The following CFAP119 variants were observed in gnomAD, a reference collection of about 807,000 sequenced individuals.
CFAP119 encodes the protein cilia- and flagella-associated protein 119.
the CFAP119 span, chr16:30,759,357 G>A: frequency 3.1e-6 from 5 of 1,614,166 alleles, no homozygotes; most frequent in South Asian, 2.2e-5. Context: ...GTGTGAAGAC[G>A]TATTTATAGA....
chr16:30,761,201 A>G, the CFAP119 span: 5 of 1,613,984 alleles, frequency 3.1e-6, no homozygotes, highest in Non-Finnish European at 4.2e-6. Flanking sequence ...CACTCACCAC[A>G]TGCAGATCCG....
chr16:30,761,482 T>G, the CFAP119 span: 1 of 1,529,172 alleles, frequency 6.5e-7, no homozygotes, highest in Non-Finnish European at 8.8e-7. Context: ...TAATGACAGG[T>G]GGCGCCTGCG....
chr16:30,760,871 G>A, the CFAP119 span: 1 of 623,982 alleles, frequency 1.6e-6, no homozygotes, highest in Non-Finnish European at 2.8e-6. Flanking sequence ...CTAGGGTTAG[G>A]AATCTTGAAT....
At chr16:30,761,457 G>A in the CFAP119 span, 6 of 1,511,980 alleles carry the variant, frequency 4.0e-6, no homozygotes, top group African/African-American at 8.3e-5. Context: ...GAGACGTCCC[G>A]AACGTTAGTA....
the CFAP119 span, chr16:30,759,980 TC>T: frequency 6.9e-7 from 1 of 1,455,252 alleles, no homozygotes; most frequent in Non-Finnish European, 9.0e-7. Context: ...AAGAAATAGA[TC>T]ATTTCAGCTA....
At chr16:30,758,917 TAAAAAC>T in the CFAP119 span, 4 of 1,539,454 alleles carry the variant, frequency 2.6e-6, no homozygotes, top group Non-Finnish European at 3.5e-6. Context: ...GGACTCTGAC[TAAAAAC>T]AAAAAGTCTG....
At chr16:30,760,515 C>T in the CFAP119 span, 58 of 1,610,728 alleles carry the variant, frequency 3.6e-5, no homozygotes, top group South Asian at 1.1e-5. Context: ...ACACCCACCA[C>T]ATGCTTTGGA....
the CFAP119 span, chr16:30,759,872 A>G: frequency 1.4e-6 from 2 of 1,453,922 alleles, no homozygotes; most frequent in Non-Finnish European, 1.8e-6. Context: ...TGTAACAAAT[A>G]CTGAATACCC....
chr16:30,761,485 C>A, the CFAP119 span: 2 of 1,529,440 alleles, frequency 1.3e-6, no homozygotes, highest in Middle Eastern at 3.3e-4. Flanking sequence ...TGACAGGTGG[C>A]GCCTGCGGGG....
At chr16:30,759,413 C>G in the CFAP119 span, 1 of 1,614,232 alleles carries the variant, frequency 6.2e-7, no homozygotes, top group Non-Finnish European at 8.5e-7. Flanking sequence ...TCTTCCAAGG[C>G]CAGCAGCTGT....
At chr16:30,760,588 G>A in the CFAP119 span, 178 of 1,560,714 alleles carry the variant, frequency 1.1e-4, no homozygotes, top group Admixed American at 1.1e-3. Context: ...CTCTTCCCAC[G>A]CCCCCCTCAG....
chr16:30,759,408 C>T, the CFAP119 span: 1 of 1,614,170 alleles, frequency 6.2e-7, no homozygotes, highest in Admixed American at 1.7e-5. Flanking sequence ...CGTAGTCTTC[C>T]AAGGCCAGCA....
the CFAP119 span, chr16:30,761,060 TC>T: frequency 1.0e-6 from 1 of 1,003,908 alleles, no homozygotes; most frequent in Middle Eastern, 3.2e-4. Flanking sequence ...AAAGCCAACT[TC>T]CAGTCACCTG....
chr16:30,757,691 G>A, the CFAP119 span: 1 of 1,574,252 alleles, frequency 6.4e-7, no homozygotes, highest in Non-Finnish European at 8.6e-7. Flanking sequence ...GGTGAGGAGA[G>A]ATGCTGTCTG....
chr16:30,760,594 C>T, the CFAP119 span: 9 of 1,555,886 alleles, frequency 5.8e-6, no homozygotes, highest in Non-Finnish European at 7.8e-6. Flanking sequence ...CCACGCCCCC[C>T]TCAGTCCCTA....
At chr16:30,758,489 T>C in the CFAP119 span, 2 of 185,026 alleles carry the variant, frequency 1.1e-5, no homozygotes, top group African/African-American at 2.4e-5. Context: ...TCATATAGGT[T>C]TTAAGCCACC....
At chr16:30,760,148 G>A in the CFAP119 span, 1 of 1,574,964 alleles carries the variant, frequency 6.3e-7, no homozygotes, top group Non-Finnish European at 8.6e-7. Flanking sequence ...GAAAGCTGAT[G>A]GCTTGTGTAT....
chr16:30,760,708 C>G, the CFAP119 span: 1 of 1,538,158 alleles, frequency 6.5e-7, no homozygotes, highest in Non-Finnish European at 8.8e-7. Context: ...TGGCCGTTAC[C>G]TATCATGACA....
At chr16:30,760,359 G>A in the CFAP119 span, 11 of 1,614,090 alleles carry the variant, frequency 6.8e-6, no homozygotes, top group African/African-American at 4.0e-5. Flanking sequence ...CCCTGCTGGC[G>A]GCAGAAAATG....
Sources: allele counts gnomAD v4.1 joint callset, GRCh38; gene constraint gnomAD v4.1.1; transcripts MANE v1.5; gene names NCBI Gene and HGNC (gene_info 2026-07-23, HGNC 2026-07-21).